The following ABCA9 variants were observed in gnomAD, a reference collection of about 807,000 sequenced individuals.
The protein encoded by ABCA9 is ATP binding cassette subfamily A member 9, also known as ATP-binding cassette sub-family A member 9.
ABCA9 carries 183 observed loss-of-function variants against 205.3 expected under a neutral mutation model. The ratio of observed to expected loss-of-function variants is 0.89; its 90% CI spans 0.79 to 1.01. The LOEUF (loss-of-function observed/expected upper bound fraction) is 1.01. Ranked by LOEUF, ABCA9 falls within the 50% of genes least tolerant of loss-of-function variation. The pLI, the probability that ABCA9 is intolerant of heterozygous loss-of-function variation, is 0.00. For missense variants in ABCA9, 1,805 were observed against 1,912.4 expected, an observed-to-expected ratio of 0.94 and a Z score of 1.05; for synonymous variants, 651 against 683.3, an observed-to-expected ratio of 0.95 and a Z score of 0.74.
At chr17:69,045,061 C>T (rs962125600) in intron 4 of ABCA9, 111 bp downstream of exon 4, 1 of 787,340 alleles carries the variant, frequency 1.3e-6, no homozygotes, top group Non-Finnish European at 1.9e-6. Context: ...AATTAAAGCT[C>T]TATGTTGTGG....
Position 68,986,097 on chromosome 17 carries a change from T to C in ABCA9, c.4208+67A>G, listed in dbSNP as rs2069228544. The C allele has an allele frequency of 2.7e-6, 4 of 1,460,650 alleles. No individual in the cohort carries two copies. In the Admixed American group the frequency reaches 6.6e-5, roughly 24 times the overall value. 90.5% of individuals were successfully genotyped at this position (1,460,650 alleles called of 1,614,324 possible). ...ATCAATTACAACCTCCCTGTCTTCA[T>C]TTTGTGTGTATGTTATTAATACAAC... On this transcript the variant is annotated intron_variant, in intron 32 of 38. Transcript: ENST00000340001.
chr17:68,981,497 G>T (rs937262984), intron 37 of ABCA9, among the ~76,000 whole-genome samples: 1 of 152,082 alleles, frequency 6.6e-6, no homozygotes, highest in Non-Finnish European at 1.5e-5. Flanking sequence ...AGCCATTGGG[G>T]CATAATGGTC....
chr17:69,053,790 C>A (rs2071982260), intron 1 of ABCA9, among the ~76,000 whole-genome samples: 1 of 151,932 alleles, frequency 6.6e-6, no homozygotes, highest in Non-Finnish European at 1.5e-5. Flanking sequence ...CTGAGAATTT[C>A]CCCAGATAAC....
chr17:69,043,713 G>C lies in ABCA9; in HGVS notation c.576C>G (p.Ile192Met), dbSNP rs777966131. Residue 192 changes from isoleucine (I) to methionine (M), a missense_variant and splice_region_variant, in exon 6 of 39, where the codon ATC becomes ATG. Coordinates refer to ENST00000340001, the MANE Select transcript of ABCA9 (RefSeq NM_080283.4). The stretch of plus-strand genomic sequence containing the variant: ...GTTCCATCACTGAATGATTTGTTGC[G>C]ATCTGAAGAAAGATATCAATGAACA... ...QAAINAAIIEIATNHSVMEQL... is the reference protein window; with the variant it reads ...QAAINAAIIEMATNHSVMEQL... 2 of 1,586,274 alleles carry C rather than the reference G, an allele frequency of 1.3e-6. No individual in the cohort carries two copies. The highest frequency in any genetic ancestry group is 4.5e-5 in the East Asian group (2 of 44,614).
In ABCA9 at chr17:68,990,807, T is replaced by G. The variant is rs749351787; in HGVS notation, c.3837+30A>C. ...TCACTTTATCTGTCAGAAAAAAAAA[T>G]AGTTGACGAAGAACATTTCTGAGTT... On this transcript the variant is annotated intron_variant, in intron 29 of 38. Transcript: ENST00000340001. The G allele has an allele frequency of 8.3e-5, 132 of 1,593,520 alleles. 2 individuals carry two copies. The South Asian group carries it at 1.5e-3, about 18-fold the overall frequency.
At chr17:69,069,645 T>A in the ABCA9 span, among the ~76,000 whole-genome samples, 1 of 150,744 alleles carries the variant, frequency 6.6e-6, no homozygotes, top group African/African-American at 2.4e-5. Context: ...GAGTAAAGCC[T>A]GCACTAGATC....
At chr17:69,072,484 T>A in the ABCA9 span, among the ~76,000 whole-genome samples, 2 of 152,084 alleles carry the variant, frequency 1.3e-5, no homozygotes, top group African/African-American at 4.8e-5. Flanking sequence ...GAATTTCATA[T>A]CCAGCCAAAA....
chr17:68,982,472 CTA>C, intron 37 of ABCA9, 88 bp downstream of exon 37: 1 of 984,788 alleles, frequency 1.0e-6, no homozygotes. Flanking sequence ...CAGCATAATT[CTA>C]TGTTTATGTA....
chr17:69,035,024 G>A, intron 8 of ABCA9: 1 of 339,406 alleles, frequency 2.9e-6, no homozygotes, highest in Non-Finnish European at 5.3e-6. Context: ...ATTAGAAGTA[G>A]AAGCTGAAAC....
At chr17:69,031,441 G>A (rs1454863142) in intron 10 of ABCA9, among the ~76,000 whole-genome samples, 2 of 152,200 alleles carry the variant, frequency 1.3e-5, no homozygotes, top group Non-Finnish European at 2.9e-5. Context: ...TACTGAAAGA[G>A]ATATATCAGA....
At chr17:69,030,015 A>T (rs913272952) in intron 10 of ABCA9, among the ~76,000 whole-genome samples, 1 of 152,198 alleles carries the variant, frequency 6.6e-6, no homozygotes, top group Non-Finnish European at 1.5e-5. Context: ...ATGAACCTCC[A>T]CATGTACCCC....
chr17:69,012,377 T>G (rs928178902), intron 22 of ABCA9: 29 of 258,784 alleles, frequency 1.1e-4, no homozygotes, highest in Admixed American at 2.1e-4. Flanking sequence ...GTCTTTTCTC[T>G]GACTTTATGG....
intron 2 of ABCA9, among the ~76,000 whole-genome samples, chr17:69,049,870 C>A (rs1423850488): frequency 6.6e-6 from 1 of 152,018 alleles, no homozygotes; most frequent in East Asian, 1.9e-4. Context: ...TCAACAGGAG[C>A]AAGATCATAT....
At position 69,012,516 on chromosome 17, in the gene ABCA9, T is replaced by TAA. The variant is rs780704737; in HGVS notation, c.3040-435_3040-434dup. On this transcript the variant is annotated intron_variant, in intron 22 of 38. Coordinates refer to ENST00000340001, the MANE Select transcript of ABCA9 (RefSeq NM_080283.4). ...ACGCCCTCCATGTTAGGCACTATGT[T>TAA]AAAAAAAAAAATCAAAACCCTGTAC... 1.0e-4 allele frequency among the ~76,000 whole-genome samples: 15 copies of TAA among 147,768 alleles called. 1 individual carries two copies. The highest frequency in any genetic ancestry group is 8.6e-4 in the South Asian group (4 of 4,676).
chr17:68,986,815 T>C (rs2069253496), intron 31 of ABCA9: 1 of 152,458 alleles, frequency 6.6e-6, no homozygotes, highest in South Asian at 2.1e-4. Flanking sequence ...TACTGGCATC[T>C]AGTAAGTAGG....
chr17:68,987,433 T>C (rs2069273282), intron 31 of ABCA9, among the ~76,000 whole-genome samples: 1 of 152,222 alleles, frequency 6.6e-6, no homozygotes, highest in African/African-American at 2.4e-5. Flanking sequence ...GAAATAGATA[T>C]GCTAAAGAAT....
chr17:68,989,358 T>C (rs1358985242), intron 30 of ABCA9, among the ~76,000 whole-genome samples: 1 of 151,084 alleles, frequency 6.6e-6, no homozygotes, highest in Non-Finnish European at 1.5e-5. Context: ...AGAGGATAAA[T>C]AAGTTGCCCC....
intron 17 of ABCA9, 130 bp downstream of exon 17, chr17:69,024,084 G>T: frequency 1.0e-6 from 1 of 996,024 alleles, no homozygotes; most frequent in Non-Finnish European, 1.5e-6. Flanking sequence ...TTGGAGTTGG[G>T]AATATTAAAT....
Position 68,984,149 on chromosome 17 carries a change from T to C in ABCA9, c.4406A>G (p.Asn1469Ser). ...GGTCAGGAGGGCGCCCCTCTCCGTG[T>C]TTCTAAAGGTGGCCCGAATCACCTG... is the stretch of plus-strand genomic sequence containing the variant. ...MWQVIRATFRNTERGALLTTH... is the reference protein window; with the variant it reads ...MWQVIRATFRSTERGALLTTH... The change falls in exon 35 of 39, where the codon AAC (asparagine) becomes AGC (serine). Residue 1469 changes from asparagine to serine, a missense_variant. Coordinates refer to ENST00000340001, the MANE Select transcript of ABCA9 (RefSeq NM_080283.4). 1 of 1,614,160 alleles carries C rather than the reference T, an allele frequency of 6.2e-7. No individual in the cohort carries two copies. Among genetic ancestry groups the C allele is most frequent in the Non-Finnish European group, 8.5e-7 (1 of 1,180,010 alleles).
Sources: gnomAD v4.1 joint callset for allele counts (sites outside exome capture counted in the v4.1 genomes callset) on GRCh38, gnomAD v4.1.1 for gene constraint, MANE v1.5 for transcripts, NCBI Gene and HGNC (gene_info 2026-07-23, HGNC 2026-07-21) for gene names.